The following PTPRC variants were observed in gnomAD, a reference collection of about 807,000 sequenced individuals.
PTPRC encodes the protein receptor-type tyrosine-protein phosphatase C.
In PTPRC, 44 loss-of-function variants were observed where a neutral mutation model predicts 155.9. The ratio of observed to expected loss-of-function variants is 0.28; its 90% CI spans 0.22 to 0.36. PTPRC has a LOEUF of 0.36. Ranked by LOEUF, PTPRC falls within the 10% of genes least tolerant of loss-of-function variation. The probability of loss-of-function intolerance (pLI) is 1.00; values close to 1 mark genes in which losing one functional copy is unlikely to be tolerated. For missense variants in PTPRC, 1,401 were observed against 1,564.6 expected (o/e 0.90, Z 1.76); for synonymous variants, 525 against 533.1 (o/e 0.98, Z 0.21).
intron 8 of PTPRC, among the ~76,000 whole-genome samples, chr1:198,704,901 A>G (rs918962494): frequency 6.6e-6 from 1 of 152,184 alleles, no homozygotes; most frequent in African/African-American, 2.4e-5. Context: ...AACTTTGGTA[A>G]AGCCACTTAA....
Position 198,708,186 on chromosome 1 carries a change from A to G in PTPRC, c.958A>G (p.Thr320Ala). Residue 320 changes from threonine to alanine, a missense_variant, in exon 10 of 33, where the codon ACT (threonine) becomes GCT (alanine). By Grantham distance (58) the Thr-to-Ala change is moderately conservative. Coordinates refer to ENST00000442510, the MANE Select transcript of PTPRC (RefSeq NM_002838.5). Reference protein sequence around the residue: ...DCTQVEKADTTICLKWKNIET... With the variant: ...DCTQVEKADTAICLKWKNIET... ...TACACAAGTTGAAAAAGCAGATACT[A>G]CTATTTGTTTAAAATGGAAAAATAT... 6.2e-7 allele frequency: 1 copy of G among 1,604,728 alleles called. No individual in the cohort carries two copies.
At chr1:198,705,169 G>T (rs919671910) in intron 8 of PTPRC, among the ~76,000 whole-genome samples, 2 of 151,742 alleles carry the variant, frequency 1.3e-5, no homozygotes, top group Non-Finnish European at 2.9e-5. Context: ...AAGCAAAGCG[G>T]TTCTTCATGG....
chr1:198,731,924 A>T (rs987071687), intron 18 of PTPRC, among the ~76,000 whole-genome samples, 198 bp downstream of exon 18: 1 of 151,690 alleles, frequency 6.6e-6, no homozygotes, highest in African/African-American at 2.4e-5. Flanking sequence ...TAGAGCTAGT[A>T]AATATTTTAA....
intron 3 of PTPRC, 67 bp from the exon 4 acceptor site, chr1:198,696,645 G>A: frequency 7.6e-7 from 1 of 1,308,674 alleles, no homozygotes; most frequent in Non-Finnish European, 1.1e-6. Context: ...ATACTGGGAG[G>A]AGCATACATT....
At chr1:198,646,300 T>A (rs745862967) in intron 2 of PTPRC, among the ~76,000 whole-genome samples, 80 of 151,826 alleles carry the variant, frequency 5.3e-4, no homozygotes, top group Non-Finnish European at 3.5e-4. Flanking sequence ...TTTACCCATG[T>A]CAAGTTCTAC....
chr1:198,673,679 C>T (rs1251388265), intron 2 of PTPRC, among the ~76,000 whole-genome samples: 1 of 152,130 alleles, frequency 6.6e-6, no homozygotes, highest in African/African-American at 2.4e-5. Flanking sequence ...TACATTTTTA[C>T]TGCTCCTCCA....
At position 198,742,044 on chromosome 1, in the gene PTPRC, A is replaced by C. The variant is rs756608809; in HGVS notation, c.2561+18A>C. On this transcript the variant is annotated intron_variant, in intron 24 of 32. Coordinates refer to ENST00000442510, the MANE Select transcript of PTPRC (RefSeq NM_002838.5). ...CACTGCAGGTAGGAAAAACGAACAAAAAAAAAAAACAACAACAAAAAAACT... is the reference window on the plus strand; with the variant it reads ...CACTGCAGGTAGGAAAAACGAACAACAAAAAAAAACAACAACAAAAAAACT... 88 of 1,607,438 alleles carry C rather than the reference A, an allele frequency of 5.5e-5. No individual in the cohort carries two copies. Among genetic ancestry groups the C allele is most frequent in the African/African-American group, 3.1e-4 (23 of 74,526 alleles).
chr1:198,686,636 C>T (rs759593736), intron 2 of PTPRC, among the ~76,000 whole-genome samples: 47 of 152,122 alleles, frequency 3.1e-4, no homozygotes, highest in Non-Finnish European at 3.1e-4. Context: ...TTTTGCTTTA[C>T]CTATTTTCCA....
chr1:198,674,139 T>G (rs995738561), intron 2 of PTPRC, among the ~76,000 whole-genome samples: 7 of 152,204 alleles, frequency 4.6e-5, no homozygotes, highest in Non-Finnish European at 8.8e-5. Flanking sequence ...GTTCCTCATA[T>G]GCAGTAGAAT....
intron 32 of PTPRC, 85 bp downstream of exon 32, chr1:198,754,489 T>G: frequency 6.8e-7 from 1 of 1,471,788 alleles, no homozygotes. Flanking sequence ...TCTCCTCTCC[T>G]TTCCTCTCGT....
intron 23 of PTPRC, 21 bp from the exon 24 acceptor site, chr1:198,741,848 A>G: frequency 6.2e-7 from 1 of 1,608,154 alleles, no homozygotes; most frequent in African/African-American, 1.3e-5. Flanking sequence ...CATCTCAAAG[A>G]AAATATTATC....
At chr1:198,708,636 GA>G (rs1055559969) in intron 10 of PTPRC, among the ~76,000 whole-genome samples, 3 of 151,520 alleles carry the variant, frequency 2.0e-5, no homozygotes, top group African/African-American at 7.3e-5. Flanking sequence ...ATGAAGTAAG[GA>G]AAAAAAATAC....
intron 2 of PTPRC, among the ~76,000 whole-genome samples, chr1:198,677,447 T>C (rs924980764): frequency 2.6e-5 from 4 of 152,078 alleles, no homozygotes; most frequent in African/African-American, 7.2e-5. Flanking sequence ...AGATTCTCAA[T>C]GTTGGGCCAC....
intron 22 of PTPRC, among the ~76,000 whole-genome samples, 196 bp downstream of exon 22, chr1:198,734,621 A>G (rs892325573): frequency 6.6e-6 from 1 of 151,794 alleles, no homozygotes; most frequent in Non-Finnish European, 1.5e-5. Context: ...ATATGTCTAT[A>G]TGCATAAAAT....
In PTPRC at chr1:198,693,964, T is replaced by C; in HGVS notation, c.100+1591T>C. 1.3e-5 allele frequency: 20 copies of C among 1,527,820 alleles called. No homozygotes were observed. The South Asian group carries it at 2.2e-4, about 17-fold the overall frequency. The allele number at this position is 1,527,820 out of a possible 1,614,324, so 94.6% of individuals were successfully genotyped here. On this transcript the variant is annotated intron_variant, in intron 3 of 32. Coordinates refer to ENST00000442510, the MANE Select transcript of PTPRC (RefSeq NM_002838.5). ...AGAACTAATAGGTTAGATGTGTATATGAGGGGTAGTTTATGTGATTGACAC... is the reference window on the plus strand; with the variant it reads ...AGAACTAATAGGTTAGATGTGTATACGAGGGGTAGTTTATGTGATTGACAC...
chr1:198,695,488 T>C (rs1449104336), intron 3 of PTPRC, among the ~76,000 whole-genome samples: 1 of 151,580 alleles, frequency 6.6e-6, no homozygotes, highest in Non-Finnish European at 1.5e-5. Context: ...TGAGCTTTTT[T>C]TTTTTTAACA....
Position 198,734,253 on chromosome 1 carries a change from A to T in PTPRC, c.2179+21A>T, listed in dbSNP as rs774960301. Reference sequence around the variant, plus strand: ...ACAAGGTAATTTCTTTGATAATCCAATATTCTTTTTGAAAAATTTTTATAG... The same window carrying T: ...ACAAGGTAATTTCTTTGATAATCCATTATTCTTTTTGAAAAATTTTTATAG... On this transcript the variant is annotated intron_variant, in intron 21 of 32. Coordinates refer to ENST00000442510, the MANE Select transcript of PTPRC (RefSeq NM_002838.5). 3.7e-6 allele frequency: 6 copies of T among 1,610,478 alleles called. No individual in the cohort carries two copies. In the African/African-American group the frequency reaches 6.7e-5, roughly 18 times the overall value.
intron 2 of PTPRC, among the ~76,000 whole-genome samples, chr1:198,677,708 A>G (rs966892106): frequency 5.3e-5 from 8 of 152,122 alleles, no homozygotes; most frequent in African/African-American, 1.9e-4. Context: ...AATTTTTCTC[A>G]GCTACTCACA....
intron 15 of PTPRC, among the ~76,000 whole-genome samples, chr1:198,728,015 C>T (rs1432308119): frequency 6.6e-6 from 1 of 151,956 alleles, no homozygotes. Flanking sequence ...TCCTTGATCC[C>T]TTCAAAATGA....
Sources: gnomAD v4.1 joint callset for allele counts (sites outside exome capture counted in the v4.1 genomes callset) on GRCh38, gnomAD v4.1.1 for gene constraint, MANE v1.5 for transcripts, NCBI Gene and HGNC (gene_info 2026-07-23, HGNC 2026-07-21) for gene names.